The following FLVCR2 variants were observed in gnomAD, a reference collection of about 807,000 sequenced individuals.
FLVCR2 encodes the protein choline/ethanolamine transporter FLVCR2.
FLVCR2 carries 38 observed loss-of-function variants against 48.9 expected under a neutral mutation model. The ratio of observed to expected loss-of-function variants is 0.78; its 90% CI spans 0.60 to 1.02. The LOEUF (loss-of-function observed/expected upper bound fraction) is 1.02, where lower values mean the gene tolerates loss of function less well. Ranked by LOEUF, FLVCR2 falls within the 50% of genes least tolerant of loss-of-function variation. FLVCR2 has a pLI of 0.00. For synonymous variants in FLVCR2, 255 were observed against 257.0 expected (o/e 0.99, Z 0.07); for missense variants, 664 against 663.3 (o/e 1.00, Z -0.01).
chr14:75,591,785 GCT>G (rs1192406040), intron 1 of FLVCR2, among the ~76,000 whole-genome samples: 1 of 149,314 alleles, frequency 6.7e-6, no homozygotes, highest in Non-Finnish European at 1.5e-5. Flanking sequence ...AGGCTCCCAG[GCT>G]CTCTTTTTCT....
chr14:75,586,862 G>A (rs766316807), intron 1 of FLVCR2, among the ~76,000 whole-genome samples: 8 of 151,970 alleles, frequency 5.3e-5, no homozygotes, highest in Non-Finnish European at 8.8e-5. Context: ...CTTTGCCTTC[G>A]AAGACATACT....
intron 1 of FLVCR2, among the ~76,000 whole-genome samples, chr14:75,606,975 C>T (rs1012149412): frequency 6.6e-6 from 1 of 151,962 alleles, no homozygotes; most frequent in African/African-American, 2.4e-5. Context: ...TCCTGGGCAC[C>T]AGAGCAGACC....
chr14:75,643,168 A>G (rs1227760269), intron 9 of FLVCR2, among the ~76,000 whole-genome samples: 1 of 152,232 alleles, frequency 6.6e-6, no homozygotes, highest in East Asian at 1.9e-4. Context: ...GGCCTACAAC[A>G]TACTTTTAAT....
Position 75,633,629 on chromosome 14 carries a change from G to A in FLVCR2, c.953G>A (p.Gly318Asp). The change falls in exon 4 of 10, where the codon GGT (glycine) becomes GAT (aspartate). Residue 318 changes from glycine (G) to aspartate (D), a missense_variant and splice_region_variant. Transcript: ENST00000238667. ...TTGTATTTCTCGCTCCCTTCTTCAG[G>A]TCTGAATGCTGGTGCTTTTTATGCC... ...LNFVLLVITYGLNAGAFYALS... is the reference protein window; with the variant it reads ...LNFVLLVITYDLNAGAFYALS... 4.3e-6 allele frequency: 7 copies of A among 1,613,620 alleles called. No individual in the cohort carries two copies. The highest frequency in any genetic ancestry group is 5.1e-6 in the Non-Finnish European group (6 of 1,179,556).
At position 75,640,621 on chromosome 14, in the gene FLVCR2, G is replaced by A. The variant is rs541611469; in HGVS notation, c.1236-334G>A. 207 of 382,808 alleles carry A rather than the reference G, an allele frequency of 5.4e-4. 1 individual carries two copies. The highest frequency in any genetic ancestry group is 1.8e-3 in the Middle Eastern group (2 of 1,118). The allele number at this position is 382,808 out of a possible 1,614,324, so 23.7% of individuals were successfully genotyped here. The stretch of plus-strand genomic sequence containing the variant: ...CCCAGCACAGGGCCTGTGTACCCAG[G>A]ACATAGTCTCTCAGCTGAAGGTTGA... On this transcript the variant is annotated intron_variant, in intron 6 of 9. Coordinates refer to ENST00000238667, the MANE Select transcript of FLVCR2 (RefSeq NM_017791.3).
At chr14:75,630,376 A>G (rs915487721) in intron 3 of FLVCR2, among the ~76,000 whole-genome samples, 2 of 152,092 alleles carry the variant, frequency 1.3e-5, no homozygotes, top group African/African-American at 2.4e-5. Flanking sequence ...AAGGCCATGT[A>G]TTCTCAAATT....
intron 2 of FLVCR2, 65 bp downstream of exon 2, chr14:75,622,285 T>A: frequency 6.8e-7 from 1 of 1,475,994 alleles, no homozygotes; most frequent in Non-Finnish European, 9.5e-7. Context: ...CTGCTGACTT[T>A]GATGGGACCC....
At chr14:75,589,857 G>A (rs964706256) in intron 1 of FLVCR2, among the ~76,000 whole-genome samples, 6 of 152,244 alleles carry the variant, frequency 3.9e-5, no homozygotes, top group African/African-American at 1.4e-4. Flanking sequence ...CATGGCTGGG[G>A]TAGCCAAGGA....
chr14:75,632,612 G>T (rs1192706649), intron 3 of FLVCR2: 1 of 702,314 alleles, frequency 1.4e-6, no homozygotes, highest in Non-Finnish European at 2.6e-6. Context: ...GGGTTCTATG[G>T]ATTGGTTCCA....
chr14:75,581,556 A>T (rs374086206), intron 1 of FLVCR2, among the ~76,000 whole-genome samples: 110 of 151,880 alleles, frequency 7.2e-4, no homozygotes, highest in African/African-American at 2.6e-3. Context: ...TGGACTGTAT[A>T]GAGGTGGGAA....
intron 1 of FLVCR2, among the ~76,000 whole-genome samples, chr14:75,603,303 C>T (rs1163568986): frequency 3.3e-5 from 5 of 152,180 alleles, no homozygotes; most frequent in African/African-American, 1.2e-4. Flanking sequence ...CTTAAAACCC[C>T]CAGGCTCTAC....
intron 9 of FLVCR2, among the ~76,000 whole-genome samples, chr14:75,646,098 C>T (rs969644750): frequency 1.8e-4 from 27 of 151,944 alleles, no homozygotes; most frequent in African/African-American, 5.8e-4. Flanking sequence ...GTTTCAGTCC[C>T]GAGAGTGAGC....
intron 1 of FLVCR2, among the ~76,000 whole-genome samples, chr14:75,607,786 A>AG (rs1031088849): frequency 2.6e-5 from 4 of 151,854 alleles, no homozygotes; most frequent in African/African-American, 7.2e-5. Context: ...TCAAAAAAAA[A>AG]GGGGGGCTCG....
Position 75,646,436 on chromosome 14 carries a change from C to A in FLVCR2, c.1545C>A (p.Ser515Arg). 6.2e-7 allele frequency: 1 copy of A among 1,614,006 alleles called. No individual in the cohort carries two copies. Among genetic ancestry groups the A allele is most frequent in the Non-Finnish European group, 8.5e-7 (1 of 1,179,894 alleles). Reference protein sequence around the residue: ...LQEEEEESNTSKVPTAVSEDH... With the variant: ...LQEEEEESNTRKVPTAVSEDH... ...AGGAGGAGGAGGAGAGCAACACCAG[C>A]AAAGTGCCCACTGCTGTGTCAGAGG... Residue 515 changes from serine (S) to arginine (R), a missense_variant, in exon 10 of 10, where the codon AGC becomes AGA. By Grantham distance (110) the Ser-to-Arg change is moderately radical. Coordinates refer to ENST00000238667, the MANE Select transcript of FLVCR2 (RefSeq NM_017791.3).
At position 75,624,602 on chromosome 14, in the gene FLVCR2, T is replaced by C; in HGVS notation, c.812-10T>C. The C allele has an allele frequency of 6.2e-7, 1 of 1,614,146 alleles. No homozygotes were observed. Among genetic ancestry groups the C allele is most frequent in the Non-Finnish European group, 8.5e-7 (1 of 1,179,996 alleles). On this transcript the variant is annotated splice_polypyrimidine_tract_variant and intron_variant, in intron 2 of 9. Coordinates refer to ENST00000238667, the MANE Select transcript of FLVCR2 (RefSeq NM_017791.3). Reference sequence around the variant, plus strand: ...GGAATTTTCAGCCATCTCTGTTTTTTTCCTTTCAGTGTTCAAGGAGAAACC... The same window carrying C: ...GGAATTTTCAGCCATCTCTGTTTTTCTCCTTTCAGTGTTCAAGGAGAAACC...
At chr14:75,588,471 A>C (rs542731928) in intron 1 of FLVCR2, among the ~76,000 whole-genome samples, 5 of 152,232 alleles carry the variant, frequency 3.3e-5, no homozygotes, top group African/African-American at 1.2e-4. Context: ...CAACACATGA[A>C]CTTTTGTTGT....
At position 75,613,248 on chromosome 14, in the gene FLVCR2, A is replaced by C. The variant is rs184126171; in HGVS notation, c.670-8831A>C. On this transcript the variant is annotated intron_variant, in intron 1 of 9. Coordinates refer to ENST00000238667, the MANE Select transcript of FLVCR2 (RefSeq NM_017791.3). ...TGGTTCTGCAGGCTGTACAGGAAGC[A>C]TGGTGCCAGCATCTGCTTGACTTCT... Among the ~76,000 whole-genome samples the C allele has an allele frequency of 9.8e-3, 1,493 of 152,276 alleles. 14 individuals carry two copies. The highest frequency in any genetic ancestry group is 0.052 in the South Asian group (251 of 4,830).
intron 1 of FLVCR2, among the ~76,000 whole-genome samples, chr14:75,598,498 G>C (rs1220335065): frequency 6.6e-6 from 1 of 152,036 alleles, no homozygotes; most frequent in East Asian, 1.9e-4. Flanking sequence ...CGTTTTTAGA[G>C]ACAGAGTCTT....
intron 3 of FLVCR2, among the ~76,000 whole-genome samples, chr14:75,629,992 C>T (rs951811891): frequency 3.9e-5 from 6 of 152,202 alleles, no homozygotes; most frequent in African/African-American, 1.4e-4. Context: ...GCATAAAATC[C>T]TCCAGATTCC....
Sources: gnomAD v4.1 joint callset for allele counts (sites outside exome capture counted in the v4.1 genomes callset) on GRCh38, gnomAD v4.1.1 for gene constraint, MANE v1.5 for transcripts, NCBI Gene and HGNC (gene_info 2026-07-23, HGNC 2026-07-21) for gene names.